CCDC191: variants seen among roughly 807,000 people sequenced by gnomAD.
CCDC191 encodes the protein coiled-coil domain containing 191, also known as coiled-coil domain-containing protein 191.
Under a neutral mutation model 114.0 loss-of-function variants are expected in CCDC191, and 99 were observed. The observed-to-expected ratio is 0.87, with a 90% CI of 0.74 to 1.03. The LOEUF is 1.03. CCDC191 is among the 50% of genes least tolerant of loss of function. The pLI is 0.00. For synonymous variants in CCDC191, 351 were observed against 376.0 expected, an observed-to-expected ratio of 0.93 and a Z score of 0.77; for missense variants, 973 against 1,087.0, an observed-to-expected ratio of 0.90 and a Z score of 1.47.
chr3:114,005,872 T>G lies in CCDC191; in HGVS notation c.1504A>C (p.Asn502His), dbSNP rs540414241. Reference sequence around the variant, plus strand: ...ACATTCTGAAGGGAACCCTGCAAGTTGCCTGTTGTTGTTCTTCCCAGGGGA... The same window carrying G: ...ACATTCTGAAGGGAACCCTGCAAGTGGCCTGTTGTTGTTCTTCCCAGGGGA... ...SPPLGRTTTG[N>H]LQGSLQNVSL... Residue 502 changes from asparagine to histidine, a missense_variant, in exon 10 of 17, where the codon AAC (asparagine) becomes CAC (histidine). By Grantham distance (68) the Asn-to-His change is moderately conservative (BLOSUM62 1). Coordinates refer to ENST00000295878, the MANE Select transcript of CCDC191 (RefSeq NM_020817.2). 6 of 1,614,008 alleles carry G rather than the reference T, an allele frequency of 3.7e-6. No homozygotes were observed. In the African/African-American group the frequency reaches 5.3e-5, roughly 14 times the overall value.
upstream of CCDC191, chr3:114,056,532 CG>C (rs2076787428): frequency 3.7e-6 from 6 of 1,611,332 alleles, no homozygotes; most frequent in South Asian, 2.2e-5. Flanking sequence ...GGGCTGCCTC[CG>C]GGTCACGCTG....
intron 8 of CCDC191, among the ~76,000 whole-genome samples, chr3:114,011,267 T>A (rs1297528744): frequency 6.6e-6 from 1 of 151,998 alleles, no homozygotes; most frequent in Non-Finnish European, 1.5e-5. Flanking sequence ...TGTTCTCATG[T>A]CACAAGGGCA....
chr3:114,019,782 C>A (rs919146234), intron 7 of CCDC191, among the ~76,000 whole-genome samples: 6 of 152,166 alleles, frequency 3.9e-5, no homozygotes, highest in Admixed American at 3.3e-4. Flanking sequence ...TTTCTGCCTT[C>A]TTTCTGCCTA....
chr3:114,000,656 TC>T (rs1346198989), intron 13 of CCDC191, among the ~76,000 whole-genome samples: 25 of 151,700 alleles, frequency 1.6e-4, no homozygotes, highest in Admixed American at 1.3e-3. Flanking sequence ...TCTCTCTCTC[TC>T]TTTTTTTTTC....
At chr3:114,024,853 A>T (rs1004522527) in intron 7 of CCDC191, among the ~76,000 whole-genome samples, 4 of 152,286 alleles carry the variant, frequency 2.6e-5, no homozygotes, top group East Asian at 1.9e-4. Context: ...AGTATAATTT[A>T]AAAAAATGAG....
At chr3:113,969,250 C>T (rs1307434114) in intron 16 of CCDC191, among the ~76,000 whole-genome samples, 1 of 152,214 alleles carries the variant, frequency 6.6e-6, no homozygotes, top group Non-Finnish European at 1.5e-5. Context: ...AGGGGACAAA[C>T]ATCCAAACTA....
chr3:113,986,532 C>T (rs947860750), intron 13 of CCDC191, among the ~76,000 whole-genome samples: 11 of 152,078 alleles, frequency 7.2e-5, no homozygotes, highest in African/African-American at 2.2e-4. Context: ...ATATCATATT[C>T]GAACTGCTAA....
rs2076058507 is a variant in CCDC191, at chr3:114,010,915, G to C, written c.1270C>G (p.Leu424Val). 6.2e-7 allele frequency: 1 copy of C among 1,614,030 alleles called. No homozygotes were observed. The highest frequency in any genetic ancestry group is 1.1e-5 in the South Asian group (1 of 91,080). ...TTCTTCCTAGTTTCCTCTTTTGTGA[G>C]AGCCAGCTCTCTCTTCAGGAGCTCG... is the stretch of plus-strand genomic sequence containing the variant. ...GAELLKRELA[L>V]TKEETRKKMD... Residue 424 changes from leucine (L) to valine (V), a missense_variant, in exon 9 of 17, where the codon CTC becomes GTC. By Grantham distance (32) the Leu-to-Val change is conservative. Coordinates refer to ENST00000295878, the MANE Select transcript of CCDC191 (RefSeq NM_020817.2).
intron 9 of CCDC191, among the ~76,000 whole-genome samples, chr3:114,008,796 A>G (rs897036657): frequency 5.3e-5 from 8 of 152,174 alleles, no homozygotes; most frequent in Admixed American, 5.2e-4. Flanking sequence ...AAGTCACTAT[A>G]TATCTGTATC....
At chr3:113,991,870 G>A (rs1398965829) in intron 13 of CCDC191, among the ~76,000 whole-genome samples, 8 of 152,024 alleles carry the variant, frequency 5.3e-5, no homozygotes, top group South Asian at 2.1e-4. Context: ...TATTAGCAAT[G>A]AATAAATGGA....
At chr3:114,049,938 G>A (rs1055531162) in intron 2 of CCDC191, among the ~76,000 whole-genome samples, 10 of 152,140 alleles carry the variant, frequency 6.6e-5, no homozygotes, top group Non-Finnish European at 1.5e-4. Context: ...CCCAGCACTG[G>A]AGTGGGCATT....
intron 7 of CCDC191, among the ~76,000 whole-genome samples, chr3:114,029,355 A>G (rs1031177757): frequency 3.9e-5 from 6 of 152,208 alleles, no homozygotes; most frequent in African/African-American, 1.2e-4. Flanking sequence ...CTCATACTGA[A>G]TAAAATAAAC....
intron 10 of CCDC191, 52 bp from the exon 11 acceptor site, chr3:114,004,798 A>G (rs2075920728): frequency 1.9e-6 from 3 of 1,571,496 alleles, no homozygotes; most frequent in Non-Finnish European, 2.6e-6. Context: ...GTTTCCTTCA[A>G]ACTCCTTTGA....
rs758204572 is a variant in CCDC191 at position 114,010,952 on chromosome 3, A to G, written c.1233T>C (p.His411=). Residue 411 remains histidine (H), a synonymous_variant, in exon 9 of 17, where the codon CAT becomes CAC. Transcript: ENST00000295878. ...TCTTCAGGAGCTCGGCGCCATGCCA[A>G]TGCTGCCATTCTGTAAAGCAGTGTC... ...VLRHCFTEWQ[H]WHGAELLKRE... is the part of the protein sequence containing the mutation. 5 of 1,613,914 alleles carry G rather than the reference A, an allele frequency of 3.1e-6. No individual in the cohort carries two copies. The highest frequency in any genetic ancestry group is 3.3e-5 in the Admixed American group (2 of 59,998).
At chr3:114,004,771 A>C in intron 10 of CCDC191, 25 bp from the exon 11 acceptor site, 1 of 1,601,540 alleles carries the variant, frequency 6.2e-7, no homozygotes, top group Non-Finnish European at 8.5e-7. Flanking sequence ...AAGGAAAGGA[A>C]TTTAGACTAC....
rs760084450 is a variant in CCDC191, at chr3:113,965,263, C to A, written c.2703G>T (p.Arg901Ser). The change falls in exon 17 of 17, where the codon AGG (arginine) becomes AGT (serine). Residue 901 changes from arginine to serine, a missense_variant. Transcript: ENST00000295878. ...AGTCTGGAAGAATTTCAACTACCTT[C>A]CTACGAAGTTGCTGTCGCCTTTCTT... ...VKEERRQQLRRKVVEILPDFQ... is the reference protein window; with the variant it reads ...VKEERRQQLRSKVVEILPDFQ... 1 of 1,611,590 alleles carries A rather than the reference C, an allele frequency of 6.2e-7. No homozygotes were observed.
intron 8 of CCDC191, among the ~76,000 whole-genome samples, chr3:114,014,331 T>C (rs2076122712): frequency 6.6e-6 from 1 of 152,208 alleles, no homozygotes; most frequent in African/African-American, 2.4e-5. Context: ...GTCCTCTGCC[T>C]GTGTGACAGA....
At position 114,002,553 on chromosome 3, in the gene CCDC191, C is replaced by T. The variant is rs528015212; in HGVS notation, c.1979-15G>A. 146 of 1,580,016 alleles carry T rather than the reference C, an allele frequency of 9.2e-5. No homozygotes were observed. The highest frequency in any genetic ancestry group is 1.2e-4 in the Non-Finnish European group (137 of 1,159,250). ...CTCTTCCATAGCTAGAAAATAGTAA[C>T]AGAGTTCTAATATTTTTTATATTGA... is the stretch of plus-strand genomic sequence containing the variant. On this transcript the variant is annotated splice_polypyrimidine_tract_variant and intron_variant, in intron 11 of 16. Coordinates refer to ENST00000295878, the MANE Select transcript of CCDC191 (RefSeq NM_020817.2).
chr3:113,970,251 G>A (rs1197154474), intron 16 of CCDC191, among the ~76,000 whole-genome samples: 2 of 151,994 alleles, frequency 1.3e-5, no homozygotes, highest in Non-Finnish European at 2.9e-5. Flanking sequence ...GTTTTTTTTG[G>A]TGGAGTCTTT....
Sources: allele counts gnomAD v4.1 joint callset (sites outside exome capture counted in the v4.1 genomes callset), GRCh38; gene constraint gnomAD v4.1.1; transcripts MANE v1.5; gene names NCBI Gene and HGNC (gene_info 2026-07-23, HGNC 2026-07-21).